The following CACNA1C variants were observed in gnomAD, a reference collection of about 807,000 sequenced individuals.
CACNA1C encodes voltage-dependent L-type calcium channel subunit alpha-1C.
CACNA1C carries 30 observed loss-of-function variants against 229.0 expected under a neutral mutation model. The ratio of observed to expected loss-of-function variants is 0.13; its 90% CI spans 0.10 to 0.18. The LOEUF is 0.18. CACNA1C is among the 10% of genes least tolerant of loss of function. CACNA1C has a pLI of 1.00. For missense variants in CACNA1C, 1,658 were observed against 2,845.0 expected (o/e 0.58, Z 9.49); for synonymous variants, 1,114 against 1,132.5 (o/e 0.98, Z 0.33).
intron 1 of CACNA1C, among the ~76,000 whole-genome samples, chr12:2,076,437 T>A (rs1356714159): frequency 6.6e-6 from 1 of 152,036 alleles, no homozygotes; most frequent in Non-Finnish European, 1.5e-5. Context: ...CTCACATGGG[T>A]CTGCTGCTTT....
intron 1 of CACNA1C, among the ~76,000 whole-genome samples, chr12:2,107,498 C>T (rs2079580456): frequency 6.7e-6 from 1 of 150,344 alleles, no homozygotes; most frequent in South Asian, 2.1e-4. Flanking sequence ...AGCTGGGCGT[C>T]CTGAAGCCAC....
chr12:2,471,349 A>G (rs543688429), intron 5 of CACNA1C, among the ~76,000 whole-genome samples: 25 of 152,288 alleles, frequency 1.6e-4, no homozygotes, highest in African/African-American at 6.0e-4. Flanking sequence ...ATTGTCTTTT[A>G]AGTAAATTAT....
chr12:2,488,295 G>C lies in CACNA1C; in HGVS notation c.916+2033G>C, dbSNP rs906385899. Among the ~76,000 whole-genome samples, 1 of 152,192 alleles carries C rather than the reference G, an allele frequency of 6.6e-6. No individual in the cohort carries two copies. The highest frequency in any genetic ancestry group is 2.4e-5 in the African/African-American group (1 of 41,440). On this transcript the variant is annotated intron_variant, in intron 6 of 46. Coordinates refer to ENST00000399655, the MANE Select transcript of CACNA1C (RefSeq NM_000719.7). This position sits in a 1 kb window ranked among gnomAD's most constrained non-coding sequence, Gnocchi z 4.0. ...CCTGAATACTGGTTGGAAGCCCAAG[G>C]CTTTGTTACCAGGCCTCAGAGGCCC...
intron 9 of CACNA1C, among the ~76,000 whole-genome samples, chr12:2,536,430 G>T (rs1277026710): frequency 6.6e-6 from 1 of 152,100 alleles, no homozygotes; most frequent in Non-Finnish European, 1.5e-5. Flanking sequence ...GAGAAAGGGA[G>T]GCAGCACTGA....
At chr12:2,474,957 A>T (rs1000182292) in intron 5 of CACNA1C, among the ~76,000 whole-genome samples, 1 of 152,166 alleles carries the variant, frequency 6.6e-6, no homozygotes, top group African/African-American at 2.4e-5. Context: ...CTGTGGAGAA[A>T]GATAACATCA....
At chr12:2,357,994 G>T (rs1048838534) in intron 3 of CACNA1C, among the ~76,000 whole-genome samples, 2 of 145,518 alleles carry the variant, frequency 1.4e-5, no homozygotes, top group East Asian at 2.0e-4. Flanking sequence ...AAAAAAAATC[G>T]CAACAAAACA....
intron 3 of CACNA1C, among the ~76,000 whole-genome samples, chr12:2,280,323 ACCTCTTGATACCTTGCTGTGCTT>A: frequency 7.1e-5 from 5 of 69,958 alleles, no homozygotes; most frequent in African/African-American, 4.3e-4. Flanking sequence ...CTTCGGTTTG[ACCTCTTGATACCTTGCTGTGCTT>A]CGGTTTGACC....
At chr12:2,058,122 C>T (rs1325219764) in intron 1 of CACNA1C, among the ~76,000 whole-genome samples, 1 of 152,172 alleles carries the variant, frequency 6.6e-6, no homozygotes, top group African/African-American at 2.4e-5. Flanking sequence ...CTATTCCTTT[C>T]TTCACTCGGT....
At chr12:2,219,000 T>G (rs1329053789) in intron 3 of CACNA1C, among the ~76,000 whole-genome samples, 1 of 152,188 alleles carries the variant, frequency 6.6e-6, no homozygotes, top group Non-Finnish European at 1.5e-5. Context: ...AAATCTGGGA[T>G]GTGTATTTGT....
intron 3 of CACNA1C, among the ~76,000 whole-genome samples, chr12:2,423,237 G>A (rs972080424): frequency 4.6e-5 from 7 of 152,182 alleles, no homozygotes; most frequent in East Asian, 1.9e-4. Flanking sequence ...CTCATGGTGC[G>A]TTTTATAGTT....
intron 3 of CACNA1C, among the ~76,000 whole-genome samples, chr12:2,193,788 G>T (rs1204843400): frequency 6.6e-6 from 1 of 152,216 alleles, no homozygotes; most frequent in Non-Finnish European, 1.5e-5. Context: ...TGGAAGGAAG[G>T]TTTTTCTTAG....
Position 2,686,214 on chromosome 12 carries a change from G to A in CACNA1C, c.5729G>A (p.Arg1910Gln), listed in dbSNP as rs190288386. The change falls in exon 45 of 47, where the codon CGA becomes CAA. Residue 1910 changes from arginine to glutamine, a missense_variant. Physicochemically the swap from Arg to Gln is conservative, Grantham distance 43. Coordinates refer to ENST00000399655, the MANE Select transcript of CACNA1C (RefSeq NM_000719.7). Reference sequence around the variant, plus strand: ...GAATGTCTGAAGCGACAGAAGGACCGAGGGGGAGACATCTCTCAGAAGACA... The same window carrying A: ...GAATGTCTGAAGCGACAGAAGGACCAAGGGGGAGACATCTCTCAGAAGACA... ...HLECLKRQKD[R>Q]GGDISQKTVL... 309 of 1,613,760 alleles carry A rather than the reference G, an allele frequency of 1.9e-4. 1 individual carries two copies. In the East Asian group the frequency reaches 4.1e-3, roughly 22 times the overall value.
chr12:2,566,915 T>C lies in CACNA1C; in HGVS notation c.1669+333T>C, dbSNP rs2154593364. ...GCTGCCAACTCCCCAGCATGGATTT[T>C]AAATACCTGGGGGCCTTCCTACAGC... is the stretch of plus-strand genomic sequence containing the variant. On this transcript the variant is annotated intron_variant, in intron 12 of 46. Coordinates refer to ENST00000399655, the MANE Select transcript of CACNA1C (RefSeq NM_000719.7). The surrounding 1 kb of genome is among the most constrained non-coding windows in gnomAD (Gnocchi z 4.0). Among the ~76,000 whole-genome samples the C allele has an allele frequency of 6.6e-6, 1 of 152,308 alleles. No individual in the cohort carries two copies. The highest frequency in any genetic ancestry group is 1.9e-4 in the East Asian group (1 of 5,188).
chr12:2,115,856 T>C (rs1299708083), intron 2 of CACNA1C, among the ~76,000 whole-genome samples: 1 of 152,278 alleles, frequency 6.6e-6, no homozygotes, highest in Non-Finnish European at 1.5e-5. Context: ...TAAGAAGTTA[T>C]GAAATATCAT....
chr12:2,318,590 A>G (rs892742319), intron 3 of CACNA1C, among the ~76,000 whole-genome samples: 2 of 152,238 alleles, frequency 1.3e-5, no homozygotes, highest in African/African-American at 4.8e-5. Flanking sequence ...AGTCTAGAGA[A>G]GGCTCTGCTA....
At chr12:2,515,189 G>A (rs767505940) in intron 9 of CACNA1C, among the ~76,000 whole-genome samples, 1 of 152,190 alleles carries the variant, frequency 6.6e-6, no homozygotes, top group African/African-American at 2.4e-5. Context: ...GCAGGGGAAT[G>A]AATATTTTAA....
chr12:2,414,092 T>C (rs1026693421), intron 3 of CACNA1C, among the ~76,000 whole-genome samples: 7 of 151,832 alleles, frequency 4.6e-5, no homozygotes, highest in African/African-American at 1.7e-4. Context: ...CCGTCTCCGT[T>C]ATTTGCTGGC....
At chr12:2,547,260 G>T (rs2099883024) in intron 9 of CACNA1C, among the ~76,000 whole-genome samples, 1 of 152,156 alleles carries the variant, frequency 6.6e-6, no homozygotes, top group Non-Finnish European at 1.5e-5. Context: ...TGGGAGTTTG[G>T]TTCTATTGTG....
intron 5 of CACNA1C, among the ~76,000 whole-genome samples, chr12:2,484,629 G>C (rs2099690264): frequency 6.6e-6 from 1 of 152,120 alleles, no homozygotes; most frequent in African/African-American, 2.4e-5. Context: ...GGCCCGTCGA[G>C]ACACCCCTTC....
Sources: gnomAD v4.1 joint callset for allele counts (sites outside exome capture counted in the v4.1 genomes callset) on GRCh38, gnomAD v4.1.1 for gene constraint, Gnocchi (gnomAD v3.1) non-coding constraint, MANE v1.5 for transcripts, NCBI Gene and HGNC (gene_info 2026-07-23, HGNC 2026-07-21) for gene names.